STK10: variants seen among roughly 807,000 people sequenced by gnomAD.
STK10 encodes serine/threonine kinase 10, also known as serine/threonine-protein kinase 10.
Under a neutral mutation model 113.8 loss-of-function variants are expected in STK10, and 78 were observed. That is an observed-to-expected ratio of 0.69 (90% confidence interval 0.57 to 0.83). The LOEUF (loss-of-function observed/expected upper bound fraction) is 0.83, where lower values mean the gene tolerates loss of function less well. STK10 is among the 40% of genes least tolerant of loss of function. STK10 has a pLI of 0.00. For missense variants in STK10, 1,109 were observed against 1,280.1 expected, an observed-to-expected ratio of 0.87 and a Z score of 2.04; for synonymous variants, 465 against 494.7, an observed-to-expected ratio of 0.94 and a Z score of 0.80.
At chr5:172,080,460 C>T (rs1166249172) in intron 12 of STK10, among the ~76,000 whole-genome samples, 3 of 152,248 alleles carry the variant, frequency 2.0e-5, no homozygotes, top group Admixed American at 6.5e-5. Flanking sequence ...AGGCCTCCTA[C>T]ACCAGACGGT....
intron 3 of STK10, among the ~76,000 whole-genome samples, chr5:172,123,190 G>A (rs887904802): frequency 1.3e-5 from 2 of 152,234 alleles, no homozygotes; most frequent in African/African-American, 4.8e-5. Context: ...TGGAGGGGCA[G>A]AAACCCCTCT....
chr5:172,165,155 C>A (rs1161126932), intron 1 of STK10, among the ~76,000 whole-genome samples: 1 of 152,160 alleles, frequency 6.6e-6, no homozygotes, highest in Admixed American at 6.5e-5. Context: ...GGACCCACCC[C>A]CAGGCCCTCC....
chr5:172,130,984 GTATT>G (rs1769742660), intron 2 of STK10, among the ~76,000 whole-genome samples: 1 of 147,978 alleles, frequency 6.8e-6, no homozygotes, highest in South Asian at 2.1e-4. Context: ...ATTTCTTTAT[GTATT>G]TATTTATTTT....
chr5:172,051,403 T>C (rs537077654), intron 18 of STK10, among the ~76,000 whole-genome samples: 1 of 151,806 alleles, frequency 6.6e-6, no homozygotes, highest in African/African-American at 2.4e-5. Context: ...GGGGGGCGGA[T>C]CACTTGAGGT....
intron 18 of STK10, 88 bp from the exon 19 acceptor site, chr5:172,045,110 C>T: frequency 6.4e-7 from 1 of 1,555,642 alleles, no homozygotes; most frequent in Middle Eastern, 1.8e-4. Context: ...CTGACATGGC[C>T]TTCTCTGGAA....
chr5:172,146,513 C>CA (rs1770089412), intron 2 of STK10, among the ~76,000 whole-genome samples: 1 of 152,236 alleles, frequency 6.6e-6, no homozygotes, highest in African/African-American at 2.4e-5. Context: ...CTCCTTCCCA[C>CA]AGCACTGGAA....
intron 4 of STK10, chr5:172,114,473 A>ATATATATATATTTTT (rs1226289994): frequency 2.1e-5 from 1 of 47,544 alleles, no homozygotes; most frequent in African/African-American, 1.4e-4. Context: ...ATATATATAT[A>ATATATATATATTTTT]TTTTTTTTTT....
chr5:172,110,578 G>T (rs1033722667), intron 4 of STK10, among the ~76,000 whole-genome samples: 16 of 152,146 alleles, frequency 1.1e-4, no homozygotes, highest in African/African-American at 3.4e-4. Context: ...TCCAGGCAGA[G>T]AAAACTGCAA....
At chr5:172,065,411 G>T (rs546060384) in intron 12 of STK10, among the ~76,000 whole-genome samples, 22 of 151,180 alleles carry the variant, frequency 1.5e-4, no homozygotes, top group Non-Finnish European at 3.1e-4. Flanking sequence ...TTTTAGTAGA[G>T]ATGGGGTTTC....
At chr5:172,048,862 C>T (rs1767562604) in intron 18 of STK10, among the ~76,000 whole-genome samples, 2 of 152,104 alleles carry the variant, frequency 1.3e-5, no homozygotes, top group Non-Finnish European at 2.9e-5. Flanking sequence ...CTCCTATCAC[C>T]TCCCACCGTC....
At position 172,094,063 on chromosome 5, in the gene STK10, G is replaced by A. The variant is rs968694876; in HGVS notation, c.1006-103C>T. Reference sequence around the variant, plus strand: ...AGTCAGACACCCTCAAGATGAAGTGGGCCAGCGCCAAGAAAGGAGAGCAGA... The same window carrying A: ...AGTCAGACACCCTCAAGATGAAGTGAGCCAGCGCCAAGAAAGGAGAGCAGA... On this transcript the variant is annotated intron_variant, in intron 8 of 18. Transcript: ENST00000176763. 4 of 923,694 alleles carry A rather than the reference G, an allele frequency of 4.3e-6. No homozygotes were observed. The East Asian group carries it at 9.3e-5, about 21-fold the overall frequency. The allele number at this position is 923,694 out of a possible 1,614,324, so 57.2% of individuals were successfully genotyped here. A position where few individuals can be genotyped will look rare whatever the true frequency, so the allele number is the denominator to read the frequency against.
In STK10 at chr5:172,043,616, A is replaced by T. The variant is rs1178108020; in HGVS notation, c.*1266T>A. ...AAGGTTTCCTTGTAAGTAAACCCGC[A>T]TACTGGTTCAAACATTTGCTTTTAT... On this transcript the variant is annotated 3_prime_UTR_variant, in exon 19 of 19. Coordinates refer to ENST00000176763, the MANE Select transcript of STK10 (RefSeq NM_005990.4). The T allele has an allele frequency of 6.6e-6, 1 of 152,246 alleles. No homozygotes were observed. The highest frequency in any genetic ancestry group is 6.5e-5 in the Admixed American group (1 of 15,278). 9.4% of individuals were successfully genotyped at this position (152,246 alleles called of 1,614,324 possible).
intron 2 of STK10, among the ~76,000 whole-genome samples, chr5:172,140,817 C>T (rs1769957175): frequency 6.6e-6 from 1 of 152,296 alleles, no homozygotes; most frequent in South Asian, 2.1e-4. Flanking sequence ...CCTGCACCCC[C>T]ATGTTCATCG....
At position 172,106,540 on chromosome 5, in the gene STK10, C is replaced by T. The variant is rs1024462894; in HGVS notation, c.788+80G>A. The T allele has an allele frequency of 6.2e-6, 9 of 1,446,538 alleles. No homozygotes were observed. In the African/African-American group the frequency reaches 1.1e-4, roughly 18 times the overall value. 89.6% of individuals were successfully genotyped at this position (1,446,538 alleles called of 1,614,324 possible). Reference sequence around the variant, plus strand: ...CCAGGAGAACGCTACCACTGCACCTCCCCAGCCCCGTCCACCACATATTCC... The same window carrying T: ...CCAGGAGAACGCTACCACTGCACCTTCCCAGCCCCGTCCACCACATATTCC... On this transcript the variant is annotated intron_variant, in intron 6 of 18. Transcript: ENST00000176763.
chr5:172,183,339 C>A (rs890246473), intron 1 of STK10, among the ~76,000 whole-genome samples: 1 of 152,174 alleles, frequency 6.6e-6, no homozygotes, highest in Non-Finnish European at 1.5e-5. Context: ...CAAGCACACC[C>A]GCTAAAGTCA....
intron 1 of STK10, among the ~76,000 whole-genome samples, chr5:172,162,450 T>A (rs963052294): frequency 1.5e-4 from 22 of 150,812 alleles, no homozygotes; most frequent in Non-Finnish European, 1.8e-4. Context: ...TCTCTCTCTC[T>A]CACACACACA....
At chr5:172,146,632 A>C (rs1411981090) in intron 2 of STK10, among the ~76,000 whole-genome samples, 1 of 152,190 alleles carries the variant, frequency 6.6e-6, no homozygotes, top group Non-Finnish European at 1.5e-5. Flanking sequence ...AGCCACACCC[A>C]GCCTGGCGCA....
At chr5:172,138,847 C>A (rs996717635) in intron 2 of STK10, among the ~76,000 whole-genome samples, 1 of 152,002 alleles carries the variant, frequency 6.6e-6, no homozygotes, top group African/African-American at 2.4e-5. Context: ...CCCGTCTCTA[C>A]TAAAAAAGTA....
At chr5:172,155,304 C>T (rs997813400) in intron 2 of STK10, among the ~76,000 whole-genome samples, 12 of 152,006 alleles carry the variant, frequency 7.9e-5, no homozygotes, top group Non-Finnish European at 1.6e-4. Flanking sequence ...TCAAGAAGAG[C>T]CTGACCAAGA....
Sources: allele counts gnomAD v4.1 joint callset (sites outside exome capture counted in the v4.1 genomes callset), GRCh38; gene constraint gnomAD v4.1.1; transcripts MANE v1.5; gene names NCBI Gene and HGNC (gene_info 2026-07-23, HGNC 2026-07-21).